Variants in TENM1 observed in about 807,000 individuals in gnomAD.
TENM1 encodes teneurin-1.
Under a neutral mutation model 174.8 loss-of-function variants are expected in TENM1, and 35 were observed. The observed-to-expected ratio is 0.20, with a 90% CI of 0.15 to 0.27. TENM1 has a LOEUF of 0.27. Ranked by LOEUF, TENM1 falls within the 10% of genes least tolerant of loss-of-function variation. The pLI, the probability that TENM1 is intolerant of heterozygous loss-of-function variation, is 1.00. For synonymous variants in TENM1, 781 were observed against 798.7 expected (o/e 0.98, Z 0.37); for missense variants, 1,633 against 2,130.1 (o/e 0.77, Z 4.59).
intron 3 of TENM1, among the ~76,000 whole-genome samples, chrX:124,758,844 A>G (rs1020849216): frequency 4.5e-5 from 5 of 111,858 alleles, no homozygotes; most frequent in African/African-American, 1.6e-4. Flanking sequence ...TCAAACTCTT[A>G]GAAAGTACTA....
chrX:124,578,446 G>T (rs1268131213), intron 11 of TENM1, among the ~76,000 whole-genome samples: 2 of 111,388 alleles, frequency 1.8e-5, no homozygotes, highest in Admixed American at 1.9e-4. Flanking sequence ...TCCTGGTCTC[G>T]AATCCTAGCT....
intron 15 of TENM1, among the ~76,000 whole-genome samples, chrX:124,543,478 G>A (rs181714630): frequency 4.3e-4 from 48 of 111,671 alleles, no homozygotes; most frequent in African/African-American, 1.5e-3. Context: ...CACTAGTGAT[G>A]GCGAGTGAAA....
rs201062423 is a variant in TENM1, at chrX:124,527,660, T to TC, written c.2771+2203_2771+2204insG. Among the ~76,000 whole-genome samples the TC allele has an allele frequency of 4.6e-3, 482 of 104,688 alleles. 3 individuals are homozygous for TC. The highest frequency in any genetic ancestry group is 0.016 in the African/African-American group (465 of 28,581). 90.9% of individuals were successfully genotyped at this position (104,688 alleles called of 115,157 possible). On this transcript the variant is annotated intron_variant, in intron 16 of 31. Coordinates refer to ENST00000422452, the Ensembl canonical transcript of TENM1. ...ATATTTTTCTTTTTTCTTTTTTTTT[T>TC]TTTTTTGAGACAGAGTCTCGCTTTG... is the stretch of plus-strand genomic sequence containing the variant.
At chrX:125,112,281 T>C in the TENM1 span, among the ~76,000 whole-genome samples, 2 of 108,996 alleles carry the variant, frequency 1.8e-5, no homozygotes, top group African/African-American at 3.3e-5. Context: ...TTGATAAATA[T>C]TGGGCTCGAG....
chrX:124,679,169 C>G (rs961826623), intron 5 of TENM1, among the ~76,000 whole-genome samples: 2 of 112,214 alleles, frequency 1.8e-5, no homozygotes, highest in African/African-American at 6.4e-5. Flanking sequence ...AAGTCCTGAC[C>G]ATTATGGATC....
At chrX:124,700,945 T>C (rs774300085) in intron 5 of TENM1, among the ~76,000 whole-genome samples, 1 of 111,696 alleles carries the variant, frequency 9.0e-6, no homozygotes, top group African/African-American at 3.2e-5. Flanking sequence ...TGTTATTGAA[T>C]TTTGCTGCAG....
chrX:124,995,778 CAT>C, the TENM1 span, among the ~76,000 whole-genome samples: 2 of 111,203 alleles, frequency 1.8e-5, no homozygotes, highest in Non-Finnish European at 3.8e-5. Flanking sequence ...AGAAGGAAAA[CAT>C]GTAGTGCTGT....
chrX:125,050,460 C>T, the TENM1 span, among the ~76,000 whole-genome samples: 1 of 110,588 alleles, frequency 9.0e-6, no homozygotes, highest in Non-Finnish European at 1.9e-5. Context: ...TGGTTTCCAG[C>T]TTCATCCATG....
the TENM1 span, among the ~76,000 whole-genome samples, chrX:125,135,527 C>T: frequency 4.5e-5 from 5 of 111,616 alleles, no homozygotes; most frequent in African/African-American, 9.8e-5. Context: ...TCACTTTTAC[C>T]GACACTAAAA....
chrX:124,483,458 A>G (rs752275134), intron 21 of TENM1, among the ~76,000 whole-genome samples: 2 of 111,893 alleles, frequency 1.8e-5, no homozygotes, highest in African/African-American at 3.2e-5. Flanking sequence ...AAAGCCAGAA[A>G]CCAGAAGCCA....
At chrX:124,462,637 T>C (rs1466893745) in intron 22 of TENM1, among the ~76,000 whole-genome samples, 1 of 111,262 alleles carries the variant, frequency 9.0e-6, no homozygotes, top group Non-Finnish European at 1.9e-5. Flanking sequence ...TATTTATTTG[T>C]TAATGTGAAT....
Position 124,541,023 on chromosome X carries a change from C to T in TENM1, c.2651+5851G>A, listed in dbSNP as rs754219765. 3.6e-5 allele frequency among the ~76,000 whole-genome samples: 4 copies of T among 112,062 alleles called. No individual in the cohort carries two copies. The South Asian group carries it at 1.5e-3, about 42-fold the overall frequency. ...GTTGTGACAGTGATGGAATATATCA[C>T]AAGTTTTAAAAAAGAATAATTATTT... On this transcript the variant is annotated intron_variant, in intron 15 of 31. Coordinates refer to ENST00000422452, the Ensembl canonical transcript of TENM1.
chrX:124,378,152 C>T (rs2060122099), exon 32 of TENM1: 1 of 111,866 alleles, frequency 8.9e-6, no homozygotes, highest in South Asian at 3.7e-4. Flanking sequence ...CAACCAAATA[C>T]GTATTACAAA....
intron 23 of TENM1, among the ~76,000 whole-genome samples, chrX:124,426,020 G>GTGTA (rs1178157807): frequency 4.6e-5 from 5 of 108,129 alleles, no homozygotes; most frequent in African/African-American, 1.7e-4. Flanking sequence ...GTGTGTGTGT[G>GTGTA]TGTGTGTGTG....
intron 3 of TENM1, among the ~76,000 whole-genome samples, chrX:124,836,723 T>C (rs1310676064): frequency 8.9e-6 from 1 of 112,468 alleles, no homozygotes; most frequent in Non-Finnish European, 1.9e-5. Context: ...TGCAAATAAC[T>C]GAATCTCTAC....
the TENM1 span, chrX:125,203,869 C>G: frequency 8.8e-6 from 1 of 113,202 alleles, no homozygotes; most frequent in African/African-American, 3.2e-5. Flanking sequence ...GCCAGGTGCT[C>G]GGCTCCGCCG....
chrX:124,636,936 T>G (rs1169681477), intron 11 of TENM1, among the ~76,000 whole-genome samples: 2 of 111,805 alleles, frequency 1.8e-5, no homozygotes, highest in African/African-American at 6.5e-5. Context: ...CAATGAAAAT[T>G]TGTTTAATAG....
Position 124,739,325 on chromosome X carries a change from T to C in TENM1, c.536-2128A>G, listed in dbSNP as rs756941520. Among the ~76,000 whole-genome samples, 6 of 112,023 alleles carry C rather than the reference T, an allele frequency of 5.4e-5. No homozygotes were observed. In the South Asian group the frequency reaches 2.3e-3, roughly 42 times the overall value. On this transcript the variant is annotated intron_variant, in intron 3 of 31. Transcript: ENST00000422452. The stretch of plus-strand genomic sequence containing the variant: ...ATAAAAGTATAAAAGTATAAAACTA[T>C]AAGGCTGGAAGAAATCATAGGGATC...
intron 31 of TENM1, 33 bp downstream of exon 34, chrX:124,382,637 C>T (rs773465011): frequency 8.4e-7 from 1 of 1,187,948 alleles, no homozygotes; most frequent in South Asian, 1.9e-5. Flanking sequence ...TCTGTTGTTT[C>T]AGCTAAAAGG....
Sources: allele counts gnomAD v4.1 joint callset (sites outside exome capture counted in the v4.1 genomes callset), GRCh38; gene constraint gnomAD v4.1.1; transcripts MANE v1.5; gene names NCBI Gene and HGNC (gene_info 2026-07-23, HGNC 2026-07-21).